Variants in ZFHX3 observed in about 807,000 individuals in gnomAD.
ZFHX3 encodes zinc finger homeobox 3.
Under a neutral mutation model 279.1 loss-of-function variants are expected in ZFHX3, and 42 were observed. That is an observed-to-expected ratio of 0.15 (90% CI 0.12 to 0.19). The LOEUF (loss-of-function observed/expected upper bound fraction) is 0.19. ZFHX3 is among the 10% of genes least tolerant of loss of function. The probability of loss-of-function intolerance (pLI) is 1.00; values close to 1 mark genes in which losing one functional copy is unlikely to be tolerated. For synonymous variants in ZFHX3, 2,293 were observed against 1,957.8 expected, an observed-to-expected ratio of 1.17 and a Z score of -4.52; for missense variants, 4,981 against 4,754.0, an observed-to-expected ratio of 1.05 and a Z score of -1.40.
At chr16:73,668,079 G>A (rs1427896475) in intron 2 of ZFHX3, among the ~76,000 whole-genome samples, 2 of 152,046 alleles carry the variant, frequency 1.3e-5, no homozygotes, top group South Asian at 2.1e-4. Context: ...TCACCTCTAC[G>A]AAGCTTGCCA....
At chr16:73,240,577 G>A (rs1320809431) in intron 5 of ZFHX3, among the ~76,000 whole-genome samples, 2 of 152,198 alleles carry the variant, frequency 1.3e-5, no homozygotes, top group East Asian at 1.9e-4. Flanking sequence ...TCAACAACAT[G>A]GCATTATGAA....
At chr16:73,312,705 C>T (rs1367645919) in intron 4 of ZFHX3, among the ~76,000 whole-genome samples, 1 of 152,226 alleles carries the variant, frequency 6.6e-6, no homozygotes, top group African/African-American at 2.4e-5. Context: ...AAAGGCACAA[C>T]TCTACATTTG....
At chr16:73,241,489 G>T (rs2013119106) in intron 5 of ZFHX3, among the ~76,000 whole-genome samples, 1 of 152,000 alleles carries the variant, frequency 6.6e-6, no homozygotes, top group African/African-American at 2.4e-5. Context: ...GAAACTAAGA[G>T]TAATAAAAGG....
intron 2 of ZFHX3, among the ~76,000 whole-genome samples, chr16:73,576,129 C>T (rs2051796929): frequency 6.6e-6 from 1 of 152,086 alleles, no homozygotes; most frequent in African/African-American, 2.4e-5. Flanking sequence ...GGGAAGAAAA[C>T]ACTTCATGGC....
At chr16:73,053,212 T>C (rs1021888809) in intron 1 of ZFHX3, among the ~76,000 whole-genome samples, 2 of 152,116 alleles carry the variant, frequency 1.3e-5, no homozygotes, top group African/African-American at 2.4e-5. Flanking sequence ...GGGGTTCCAA[T>C]TGTAGATCAC....
At chr16:73,596,441 C>T (rs929618800) in intron 2 of ZFHX3, among the ~76,000 whole-genome samples, 1 of 152,118 alleles carries the variant, frequency 6.6e-6, no homozygotes, top group African/African-American at 2.4e-5. Flanking sequence ...TCTCTAGCTT[C>T]CTTTCTGATC....
intron 1 of ZFHX3, among the ~76,000 whole-genome samples, chr16:72,986,092 C>T (rs1962830377): frequency 6.6e-6 from 1 of 152,034 alleles, no homozygotes; most frequent in Non-Finnish European, 1.5e-5. Flanking sequence ...AAAAGCAGGC[C>T]TCACCCCTGG....
At chr16:73,223,443 A>G (rs2012488698) in intron 5 of ZFHX3, among the ~76,000 whole-genome samples, 1 of 152,192 alleles carries the variant, frequency 6.6e-6, no homozygotes, top group South Asian at 2.1e-4. Flanking sequence ...GAAGATATAT[A>G]GATGGTAAAC....
At chr16:73,656,125 A>C (rs1291859202) in intron 2 of ZFHX3, among the ~76,000 whole-genome samples, 1 of 151,988 alleles carries the variant, frequency 6.6e-6, no homozygotes, top group African/African-American at 2.4e-5. Flanking sequence ...TTTGTAAACA[A>C]AGCTTTAGTG....
intron 3 of ZFHX3, among the ~76,000 whole-genome samples, chr16:73,422,507 A>G (rs569526105): frequency 1.3e-5 from 2 of 152,320 alleles, no homozygotes; most frequent in African/African-American, 4.8e-5. Context: ...ATAGTTAACA[A>G]AGAATAAAGA....
chr16:73,139,122 A>C (rs1056806420), intron 6 of ZFHX3, among the ~76,000 whole-genome samples: 3 of 152,256 alleles, frequency 2.0e-5, no homozygotes, highest in Non-Finnish European at 2.9e-5. Flanking sequence ...TTCACTAAGC[A>C]CAAAGATGTC....
chr16:72,922,365 C>T (rs1305392087), intron 3 of ZFHX3, among the ~76,000 whole-genome samples: 1 of 152,212 alleles, frequency 6.6e-6, no homozygotes, highest in Non-Finnish European at 1.5e-5. Flanking sequence ...CCCAGACAAA[C>T]AACCTTCCCT....
upstream of ZFHX3, among the ~76,000 whole-genome samples, chr16:73,050,992 T>C (rs1877064316): frequency 6.6e-6 from 1 of 152,176 alleles, no homozygotes; most frequent in East Asian, 1.9e-4. Flanking sequence ...GAGCCAAACC[T>C]GCTTGTCTCT....
chr16:73,438,206 CCA>C (rs2018028490), intron 3 of ZFHX3, among the ~76,000 whole-genome samples: 1 of 152,136 alleles, frequency 6.6e-6, no homozygotes, highest in South Asian at 2.1e-4. Context: ...ACTCGTAGCT[CCA>C]GAGAATTTCA....
chr16:73,758,631 G>T (rs2053834468), intron 1 of ZFHX3, among the ~76,000 whole-genome samples: 1 of 152,186 alleles, frequency 6.6e-6, no homozygotes, highest in Non-Finnish European at 1.5e-5. Context: ...AGGATAAGTG[G>T]CCTGGTCTGA....
At chr16:73,703,200 C>T (rs2053268007) in intron 1 of ZFHX3, among the ~76,000 whole-genome samples, 1 of 152,048 alleles carries the variant, frequency 6.6e-6, no homozygotes, top group Admixed American at 6.5e-5. Context: ...GCTTTGGGAG[C>T]AGTTCGTTTA....
chr16:73,751,927 T>G (rs1276985189), intron 1 of ZFHX3, among the ~76,000 whole-genome samples: 1 of 152,202 alleles, frequency 6.6e-6, no homozygotes, highest in African/African-American at 2.4e-5. Context: ...CCTGGTCTTA[T>G]GAGAAAAGAA....
rs201034771 is a variant in ZFHX3, at chr16:72,852,614, T to C, written c.3449-22755A>G. Reference sequence around the variant, plus strand: ...CTTAAGTTGTATATTTTCTTTTAAGTAAAAAATGAGGGAAGAGAAAGATCT... The same window carrying C: ...CTTAAGTTGTATATTTTCTTTTAAGCAAAAAATGAGGGAAGAGAAAGATCT... On this transcript the variant is annotated intron_variant, in intron 4 of 9. Coordinates refer to ENST00000268489, the MANE Select transcript of ZFHX3 (RefSeq NM_006885.4). Among the ~76,000 whole-genome samples the C allele has an allele frequency of 5.9e-5, 9 of 152,316 alleles. No individual in the cohort carries two copies. The East Asian group carries it at 1.7e-3, about 29-fold the overall frequency.
In ZFHX3 at chr16:72,798,295, G is replaced by A. The variant is rs1171920154; in HGVS notation, c.4387C>T (p.Leu1463Phe). 1 of 1,614,202 alleles carries A rather than the reference G, an allele frequency of 6.2e-7. No homozygotes were observed. Among genetic ancestry groups the A allele is most frequent in the South Asian group, 1.1e-5 (1 of 91,084 alleles). Residue 1463 changes from leucine (L) to phenylalanine (F), a missense_variant, in exon 9 of 10, where the codon CTT becomes TTT. Transcript: ENST00000268489. ...LELSEADIQQLYGGLLANGDL... is the reference protein window; with the variant it reads ...LELSEADIQQFYGGLLANGDL... ...CCATTGGCCAGCAGGCCACCATAAA[G>A]CTGTTGGATGTCAGCCTCACTCAGC...
Sources: gnomAD v4.1 joint callset for allele counts (sites outside exome capture counted in the v4.1 genomes callset) on GRCh38, gnomAD v4.1.1 for gene constraint, MANE v1.5 for transcripts, NCBI Gene and HGNC (gene_info 2026-07-23, HGNC 2026-07-21) for gene names.